The following PLPPR1 variants were observed in gnomAD, a reference collection of about 807,000 sequenced individuals.
PLPPR1 encodes phospholipid phosphatase related 1.
PLPPR1 carries 10 observed loss-of-function variants against 33.1 expected under a neutral mutation model. That is an observed-to-expected ratio of 0.30 (90% CI 0.19 to 0.51). The LOEUF is 0.51. PLPPR1 is among the 20% of genes least tolerant of loss of function. PLPPR1 has a pLI of 0.97. For missense variants in PLPPR1, 304 were observed against 408.1 expected (o/e 0.74, Z 2.20); for synonymous variants, 151 against 151.0 (o/e 1.00, Z 0.00).
chr9:101,168,361 C>A (rs1436123401), intron 1 of PLPPR1, among the ~76,000 whole-genome samples: 1 of 152,104 alleles, frequency 6.6e-6, no homozygotes, highest in Non-Finnish European at 1.5e-5. Context: ...ACCCTAATTT[C>A]ATACCATAGA....
chr9:101,221,373 C>T (rs1047354594), intron 2 of PLPPR1, among the ~76,000 whole-genome samples: 30 of 152,156 alleles, frequency 2.0e-4, no homozygotes, highest in Non-Finnish European at 7.3e-5. Context: ...CAGTAAAGAA[C>T]AGTATGGTGG....
chr9:101,109,799 C>T (rs1344359584), intron 1 of PLPPR1, among the ~76,000 whole-genome samples: 1 of 151,988 alleles, frequency 6.6e-6, no homozygotes, highest in Non-Finnish European at 1.5e-5. Flanking sequence ...TGAGTACGAC[C>T]TTATATTTTA....
chr9:101,170,590 G>A (rs1825927279), intron 1 of PLPPR1, among the ~76,000 whole-genome samples: 1 of 152,184 alleles, frequency 6.6e-6, no homozygotes, highest in Admixed American at 6.6e-5. Context: ...TATGATGAAA[G>A]TGTGTAATAG....
chr9:101,064,625 G>A (rs1011185498), intron 1 of PLPPR1, among the ~76,000 whole-genome samples: 1 of 152,074 alleles, frequency 6.6e-6, no homozygotes, highest in Admixed American at 6.6e-5. Context: ...TCCAAGCGGA[G>A]CAGACATAGA....
At chr9:101,259,461 C>T (rs1588099414) in intron 2 of PLPPR1, among the ~76,000 whole-genome samples, 1 of 152,156 alleles carries the variant, frequency 6.6e-6, no homozygotes, top group East Asian at 1.9e-4. Flanking sequence ...GAAGCATAAA[C>T]AACCATATAG....
intron 4 of PLPPR1, among the ~76,000 whole-genome samples, chr9:101,297,023 G>A (rs1226863319): frequency 1.3e-5 from 2 of 152,116 alleles, no homozygotes; most frequent in African/African-American, 4.8e-5. Flanking sequence ...CATTATATAA[G>A]TGTATATGTG....
At chr9:101,194,668 T>C (rs1176846117) in intron 2 of PLPPR1, among the ~76,000 whole-genome samples, 5 of 151,584 alleles carry the variant, frequency 3.3e-5, no homozygotes. Context: ...GTAGAATCGC[T>C]TGAACCCGGG....
chr9:101,191,204 C>T (rs182734339), intron 2 of PLPPR1, among the ~76,000 whole-genome samples: 71 of 152,176 alleles, frequency 4.7e-4, no homozygotes, highest in Non-Finnish European at 8.7e-4. Flanking sequence ...AATGCTGAGC[C>T]AGACAAAAGC....
chr9:101,311,800 C>A (rs1011872803), intron 5 of PLPPR1, among the ~76,000 whole-genome samples: 1 of 152,158 alleles, frequency 6.6e-6, no homozygotes. Context: ...ATATAAGTAT[C>A]AGCATATTAT....
chr9:101,050,277 A>G (rs1435087742), intron 1 of PLPPR1, among the ~76,000 whole-genome samples: 3 of 152,080 alleles, frequency 2.0e-5, no homozygotes. Flanking sequence ...TTTTTCCTCA[A>G]TGTCTTTTTT....
At chr9:101,174,321 G>A (rs1180640225) in intron 1 of PLPPR1, among the ~76,000 whole-genome samples, 1 of 152,032 alleles carries the variant, frequency 6.6e-6, no homozygotes, top group African/African-American at 2.4e-5. Flanking sequence ...AATTTTGAAC[G>A]GAATCATCAT....
chr9:101,103,217 T>C (rs1830934260), intron 1 of PLPPR1, among the ~76,000 whole-genome samples: 1 of 132,348 alleles, frequency 7.6e-6, no homozygotes, highest in African/African-American at 3.0e-5. Context: ...ATGAAGTCCT[T>C]GCCTACGCCT....
intron 1 of PLPPR1, among the ~76,000 whole-genome samples, chr9:101,137,412 G>A (rs890773825): frequency 2.6e-5 from 4 of 152,208 alleles, no homozygotes; most frequent in Non-Finnish European, 4.4e-5. Context: ...GATAGGAATC[G>A]ATGGAAGAAG....
chr9:101,078,523 G>A (rs1482270729), intron 1 of PLPPR1, among the ~76,000 whole-genome samples: 1 of 151,744 alleles, frequency 6.6e-6, no homozygotes, highest in South Asian at 2.1e-4. Context: ...TTAAGGTTGG[G>A]ACCTATAAGT....
At chr9:101,241,165 T>C (rs1003112222) in intron 2 of PLPPR1, among the ~76,000 whole-genome samples, 6 of 152,168 alleles carry the variant, frequency 3.9e-5, no homozygotes, top group Admixed American at 3.3e-4. Context: ...GAAAGGTTTA[T>C]TGGGGAATAT....
chr9:101,183,194 A>G (rs1176711705), intron 1 of PLPPR1, among the ~76,000 whole-genome samples: 3 of 151,822 alleles, frequency 2.0e-5, no homozygotes, highest in Admixed American at 6.6e-5. Flanking sequence ...TTGCACACAG[A>G]TGTTATTAGC....
chr9:101,143,045 C>T (rs920000567), intron 1 of PLPPR1, among the ~76,000 whole-genome samples: 10 of 151,838 alleles, frequency 6.6e-5, no homozygotes, highest in Admixed American at 2.6e-4. Flanking sequence ...GGATGAGGCA[C>T]GGAGAAAGTG....
chr9:101,046,012 C>T lies in PLPPR1; in HGVS notation c.-46+16910C>T, dbSNP rs192812674. ...AACCAACAAAAAATCATAGCTTCTT[C>T]CAAAATTACAGAAATTTATATTAAC... On this transcript the variant is annotated intron_variant, in intron 1 of 7. Coordinates refer to ENST00000374874, the MANE Select transcript of PLPPR1 (RefSeq NM_207299.2). Among the ~76,000 whole-genome samples the T allele has an allele frequency of 7.9e-5, 12 of 152,278 alleles. No individual in the cohort carries two copies. In the East Asian group the frequency reaches 2.1e-3, roughly 27 times the overall value.
At chr9:101,064,861 A>C (rs1830390839) in intron 1 of PLPPR1, among the ~76,000 whole-genome samples, 2 of 151,822 alleles carry the variant, frequency 1.3e-5, no homozygotes, top group Non-Finnish European at 2.9e-5. Flanking sequence ...AGAGAGGGCA[A>C]AACTGGGTTT....
Sources: gnomAD v4.1 joint callset for allele counts (sites outside exome capture counted in the v4.1 genomes callset) on GRCh38, gnomAD v4.1.1 for gene constraint, MANE v1.5 for transcripts, NCBI Gene and HGNC (gene_info 2026-07-23, HGNC 2026-07-21) for gene names.